The following QKI variants were observed in gnomAD, a reference collection of about 807,000 sequenced individuals.
QKI encodes KH domain-containing RNA-binding protein QKI.
A neutral mutation model predicts 39.0 loss-of-function variants in QKI; 10 were observed. The ratio of observed to expected loss-of-function variants is 0.26; its 90% CI spans 0.16 to 0.43. The LOEUF is 0.43. Ranked by LOEUF, QKI falls within the 20% of genes least tolerant of loss-of-function variation. QKI has a pLI of 1.00. For synonymous variants in QKI, 204 were observed against 155.4 expected (o/e 1.31, Z -2.33); for missense variants, 218 against 428.0 (o/e 0.51, Z 4.33).
chr6:163,545,611 A>G (rs78997292), intron 4 of QKI, among the ~76,000 whole-genome samples: 4,232 of 152,184 alleles, frequency 0.028, 193 homozygotes, highest in African/African-American at 0.096. Flanking sequence ...ATAAAAAAAT[A>G]TGTCTTGTTT....
intron 7 of QKI, chr6:163,569,148 T>C: frequency 1.1e-6 from 1 of 943,580 alleles, no homozygotes; most frequent in Non-Finnish European, 1.3e-6. Flanking sequence ...ATGTTAAATA[T>C]TTATTTTCTT....
chr6:163,507,444 G>C (rs1779167320), intron 3 of QKI, among the ~76,000 whole-genome samples: 2 of 152,184 alleles, frequency 1.3e-5, no homozygotes, highest in Admixed American at 1.3e-4. Flanking sequence ...GTCCTTGAAG[G>C]AAGGAAGTTA....
At chr6:163,548,230 G>A (rs1385885828) in intron 4 of QKI, among the ~76,000 whole-genome samples, 3 of 152,200 alleles carry the variant, frequency 2.0e-5, no homozygotes, top group African/African-American at 7.2e-5. Flanking sequence ...CATGCATGAA[G>A]TCTGTTTCAT....
intron 7 of QKI, chr6:163,568,225 C>G: frequency 2.0e-6 from 2 of 984,206 alleles, no homozygotes; most frequent in South Asian, 4.7e-5. Flanking sequence ...TACAATTGTT[C>G]TAAAGAGTAT....
At chr6:163,456,886 C>T (rs1307836597) in intron 2 of QKI, among the ~76,000 whole-genome samples, 1 of 152,102 alleles carries the variant, frequency 6.6e-6, no homozygotes, top group African/African-American at 2.4e-5. Flanking sequence ...GCTGACATAA[C>T]TTGGCATTGG....
chr6:163,527,252 A>G (rs1261592816), intron 3 of QKI, among the ~76,000 whole-genome samples: 1 of 152,228 alleles, frequency 6.6e-6, no homozygotes, highest in Non-Finnish European at 1.5e-5. Flanking sequence ...GAGGAATTAA[A>G]TTGTGTGAAA....
intron 1 of QKI, among the ~76,000 whole-genome samples, chr6:163,425,691 A>G (rs2128209098): frequency 6.6e-6 from 1 of 152,328 alleles, no homozygotes; most frequent in African/African-American, 2.4e-5. Flanking sequence ...AACTAGAAAC[A>G]AGTCTTTGTT....
intron 3 of QKI, among the ~76,000 whole-genome samples, chr6:163,520,171 T>A (rs1003176681): frequency 6.6e-6 from 1 of 152,184 alleles, no homozygotes; most frequent in Admixed American, 6.5e-5. Flanking sequence ...GAAATGATTT[T>A]TAATGAAGGA....
intron 3 of QKI, among the ~76,000 whole-genome samples, chr6:163,493,070 A>G (rs17446439): frequency 2.4e-3 from 368 of 151,706 alleles, no homozygotes; most frequent in Non-Finnish European, 4.3e-3. Flanking sequence ...TTTGAGATCT[A>G]TGTATTTGTG....
chr6:163,517,071 CTCTCTCTCTT>C (rs1231942529), intron 3 of QKI, among the ~76,000 whole-genome samples: 11 of 78,834 alleles, frequency 1.4e-4, no homozygotes, highest in African/African-American at 3.2e-4. Flanking sequence ...CTCTCTCTCT[CTCTCTCTCTT>C]TCTCTCTCTC....
intron 3 of QKI, among the ~76,000 whole-genome samples, chr6:163,531,340 T>G (rs964020065): frequency 6.6e-6 from 1 of 152,160 alleles, no homozygotes; most frequent in African/African-American, 2.4e-5. Context: ...TAATGCAGTT[T>G]GAGCAAGTGT....
rs576112456 is a variant in QKI at position 163,556,278 on chromosome 6, C to T, written c.547-5704C>T. Among the ~76,000 whole-genome samples, 14 of 152,072 alleles carry T rather than the reference C, an allele frequency of 9.2e-5. No homozygotes were observed. In the South Asian group the frequency reaches 2.1e-3, roughly 23 times the overall value. The stretch of plus-strand genomic sequence containing the variant: ...CTGTAGTCCCAGCACTTTGGGAGGC[C>T]GAGGCGGGTAGATCACCTGAGGTCA... On this transcript the variant is annotated intron_variant, in intron 4 of 7. Coordinates refer to ENST00000361752, the MANE Select transcript of QKI (RefSeq NM_006775.3).
intron 2 of QKI, among the ~76,000 whole-genome samples, chr6:163,459,628 T>C (rs1387511801): frequency 2.0e-5 from 3 of 152,202 alleles, no homozygotes; most frequent in African/African-American, 7.2e-5. Flanking sequence ...TTAGAATCTG[T>C]TTCTTTGTCT....
intron 4 of QKI, among the ~76,000 whole-genome samples, chr6:163,543,043 A>G (rs968880322): frequency 2.0e-5 from 3 of 152,074 alleles, no homozygotes; most frequent in African/African-American, 2.4e-5. Flanking sequence ...TCTGTCTGCC[A>G]TATGCATTTG....
At chr6:163,418,652 G>T (rs889159145) in intron 1 of QKI, among the ~76,000 whole-genome samples, 3 of 152,034 alleles carry the variant, frequency 2.0e-5, no homozygotes, top group African/African-American at 4.8e-5. Context: ...AGATAGAGAT[G>T]ATTATAGGAT....
rs1469342182 is a variant in QKI at position 163,577,637 on chromosome 6, T to A, written c.*6927T>A. On this transcript the variant is annotated 3_prime_UTR_variant, in exon 8 of 8. Coordinates refer to ENST00000361752, the MANE Select transcript of QKI (RefSeq NM_006775.3). ...CTTGGGCTGTTGATTTTCTTACTCT[T>A]CTCTTGCTTTAATCCTTCCCCCCGG... The A allele has an allele frequency of 1.3e-5, 2 of 152,538 alleles. No individual in the cohort carries two copies. Among genetic ancestry groups the A allele is most frequent in the Non-Finnish European group, 2.9e-5 (2 of 68,050 alleles). 9.4% of individuals were successfully genotyped at this position (152,538 alleles called of 1,614,324 possible).
rs779399645 is a variant in QKI at position 163,415,168 on chromosome 6, G to C, written c.-26G>C. Reference sequence around the variant, plus strand: ...CCGGCGGCGGCGGCGGCGGCGGCGGGCGGAGTGAGCTGCGGAGCCTGGAAT... The same window carrying C: ...CCGGCGGCGGCGGCGGCGGCGGCGGCCGGAGTGAGCTGCGGAGCCTGGAAT... On this transcript the variant is annotated 5_prime_UTR_variant, in exon 1 of 8. Coordinates refer to ENST00000361752, the MANE Select transcript of QKI (RefSeq NM_006775.3). The C allele has an allele frequency of 3.4e-6, 5 of 1,454,420 alleles. No individual in the cohort carries two copies. The highest frequency in any genetic ancestry group is 2.0e-5 in the Admixed American group (1 of 48,888). 90.1% of individuals were successfully genotyped at this position (1,454,420 alleles called of 1,614,324 possible).
At position 163,485,419 on chromosome 6, in the gene QKI, G is replaced by A. The variant is rs972230019; in HGVS notation, c.402+6523G>A. Among the ~76,000 whole-genome samples the A allele has an allele frequency of 3.5e-4, 53 of 152,166 alleles. 1 individual carries two copies. Among genetic ancestry groups the A allele is most frequent in the Admixed American group, 3.5e-3 (53 of 15,280 alleles). ...ATGTAAGCCATTAAAACAGAACAGTGTTTTGCACGTAATTAGGTACTTGGC... is the reference window on the plus strand; with the variant it reads ...ATGTAAGCCATTAAAACAGAACAGTATTTTGCACGTAATTAGGTACTTGGC... On this transcript the variant is annotated intron_variant, in intron 3 of 7. Coordinates refer to ENST00000361752, the MANE Select transcript of QKI (RefSeq NM_006775.3).
chr6:163,453,964 A>C (rs2128218901), intron 1 of QKI, among the ~76,000 whole-genome samples: 1 of 152,282 alleles, frequency 6.6e-6, no homozygotes, highest in Non-Finnish European at 1.5e-5. Context: ...TTAAATAACT[A>C]GTTAGAAAAA....
Sources: gnomAD v4.1 joint callset for allele counts (sites outside exome capture counted in the v4.1 genomes callset) on GRCh38, gnomAD v4.1.1 for gene constraint, MANE v1.5 for transcripts, NCBI Gene and HGNC (gene_info 2026-07-23, HGNC 2026-07-21) for gene names.